Variants in ACBD5 observed in about 807,000 individuals in gnomAD.
ACBD5 encodes the protein acyl-CoA-binding domain-containing protein 5.
In ACBD5, 40 loss-of-function variants were observed where a neutral mutation model predicts 71.8. The ratio of observed to expected loss-of-function variants is 0.56; its 90% CI spans 0.43 to 0.72. The LOEUF (loss-of-function observed/expected upper bound fraction) is 0.72, where lower values mean the gene tolerates loss of function less well. Among genes scored for constraint, ACBD5 ranks in the 30% least tolerant of loss-of-function variants. The probability of loss-of-function intolerance (pLI) is 0.00; values close to 1 mark genes in which losing one functional copy is unlikely to be tolerated. For missense variants in ACBD5, 559 were observed against 644.5 expected, an observed-to-expected ratio of 0.87 and a Z score of 1.44; for synonymous variants, 229 against 218.6, an observed-to-expected ratio of 1.05 and a Z score of -0.42.
intron 13 of ACBD5, among the ~76,000 whole-genome samples, chr10:27,186,191 T>C (rs921099872): frequency 6.6e-6 from 1 of 152,232 alleles, no homozygotes; most frequent in Non-Finnish European, 1.5e-5. Context: ...CCAAGTGATA[T>C]TCAAAATGGC....
intron 6 of ACBD5, among the ~76,000 whole-genome samples, chr10:27,219,082 A>G (rs1358610700): frequency 6.6e-6 from 1 of 152,082 alleles, no homozygotes; most frequent in Non-Finnish European, 1.5e-5. Flanking sequence ...TGAGCAGATC[A>G]CTTGAGGTCA....
At chr10:27,242,102 C>T (rs1165249118), upstream of ACBD5, 1 of 449,952 alleles carries the variant, frequency 2.2e-6, no homozygotes, top group East Asian at 7.1e-5. Context: ...GTCCCCGACG[C>T]CCGCCCCTCG....
At chr10:27,230,796 CA>C (rs10625879) in intron 4 of ACBD5, among the ~76,000 whole-genome samples, 10,258 of 111,812 alleles carry the variant, frequency 0.092, 570 homozygotes, top group East Asian at 0.34. Flanking sequence ...GACTCCATCT[CA>C]AAAAAAAAAA....
chr10:27,215,479 A>G, intron 8 of ACBD5, 56 bp downstream of exon 8: 1 of 1,201,030 alleles, frequency 8.3e-7, no homozygotes, highest in Non-Finnish European at 1.2e-6. Flanking sequence ...GAAGTTACGC[A>G]TTGAATTCTA....
At chr10:27,212,807 C>G (rs938006806) in intron 8 of ACBD5, among the ~76,000 whole-genome samples, 2 of 152,080 alleles carry the variant, frequency 1.3e-5, no homozygotes, top group Non-Finnish European at 2.9e-5. Flanking sequence ...CCTCGGCCTC[C>G]CACAGTGTTG....
intron 3 of ACBD5, among the ~76,000 whole-genome samples, chr10:27,234,184 C>T (rs914899133): frequency 1.3e-5 from 2 of 152,170 alleles, no homozygotes; most frequent in South Asian, 4.1e-4. Context: ...ACTGGGAAAA[C>T]AGCACGGATG....
In ACBD5 at chr10:27,210,828, A is replaced by G. The variant is rs779003965; in HGVS notation, c.1190T>C (p.Val397Ala). 1 of 1,614,176 alleles carries G rather than the reference A, an allele frequency of 6.2e-7. No homozygotes were observed. The highest frequency in any genetic ancestry group is 8.5e-7 in the Non-Finnish European group (1 of 1,180,024). The change falls in exon 9 of 13, where the codon GTT becomes GCT. Residue 397 changes from valine to alanine, a missense_variant. Val to Ala is a moderately conservative substitution (Grantham distance 64). Coordinates refer to ENST00000396271, the MANE Select transcript of ACBD5 (RefSeq NM_145698.5). The stretch of plus-strand genomic sequence containing the variant: ...GTAATCCACACCTCTTCCTCTTCTA[A>G]CATTAGAGAATTCGTCAGTTTCTCC... ...RGGETDEFSNVRRGRGHRMQH... is the reference protein window; with the variant it reads ...RGGETDEFSNARRGRGHRMQH...
intron 2 of ACBD5, among the ~76,000 whole-genome samples, chr10:27,236,640 G>A (rs1182131100): frequency 6.6e-6 from 1 of 152,096 alleles, no homozygotes; most frequent in Non-Finnish European, 1.5e-5. Flanking sequence ...TGTAATCCTA[G>A]CACTTTGGGA....
chr10:27,241,963 T>C (rs973661394), upstream of ACBD5: 5 of 429,448 alleles, frequency 1.2e-5, no homozygotes, highest in Non-Finnish European at 2.4e-5. Flanking sequence ...GAGTCGTTTT[T>C]GTCAGTTAGG....
chr10:27,196,770 G>T lies in ACBD5; in HGVS notation c.*660C>A, dbSNP rs76683151. The T allele has an allele frequency of 1.1e-3, 489 of 454,184 alleles. 12 individuals carry two copies. In the East Asian group the frequency reaches 0.031, roughly 29 times the overall value. 28.1% of individuals were successfully genotyped at this position (454,184 alleles called of 1,614,324 possible). On this transcript the variant is annotated 3_prime_UTR_variant, in exon 13 of 13. Transcript: ENST00000396271. Reference sequence around the variant, plus strand: ...TCATTCTTCACCATTTCCATCAGTGGGTTATGTCTAGCCTGCAAATCATTT... The same window carrying T: ...TCATTCTTCACCATTTCCATCAGTGTGTTATGTCTAGCCTGCAAATCATTT...
intron 3 of ACBD5, among the ~76,000 whole-genome samples, chr10:27,234,171 T>A (rs1319899060): frequency 6.6e-6 from 1 of 152,242 alleles, no homozygotes; most frequent in East Asian, 1.9e-4. Flanking sequence ...CAACTGTTAG[T>A]CAACTGGGAA....
intron 4 of ACBD5, 72 bp from the exon 5 acceptor site, chr10:27,223,524 T>C: frequency 9.2e-7 from 1 of 1,082,508 alleles, no homozygotes; most frequent in Non-Finnish European, 1.4e-6. Context: ...TCAAATAATC[T>C]CCTATTTCCA....
chr10:27,219,145 T>C (rs573654774), intron 6 of ACBD5, among the ~76,000 whole-genome samples: 3 of 151,916 alleles, frequency 2.0e-5, no homozygotes, highest in South Asian at 2.1e-4. Flanking sequence ...CTACTAAAAA[T>C]ACAAAAATTA....
intron 6 of ACBD5, among the ~76,000 whole-genome samples, chr10:27,218,805 C>A (rs1271914746): frequency 6.6e-6 from 1 of 151,930 alleles, no homozygotes; most frequent in Non-Finnish European, 1.5e-5. Context: ...AGGCTGGTCT[C>A]GAACTCCCAA....
intron 13 of ACBD5, among the ~76,000 whole-genome samples, chr10:27,185,829 C>G (rs1010937520): frequency 1.3e-5 from 2 of 151,028 alleles, no homozygotes; most frequent in Non-Finnish European, 2.9e-5. Flanking sequence ...GTGACTCACA[C>G]CTGTAATCCC....
chr10:27,189,625 G>A, intron 13 of ACBD5, among the ~76,000 whole-genome samples: 1 of 107,990 alleles, frequency 9.3e-6, no homozygotes. Context: ...CCTGTTGTGG[G>A]GTGGGGGGGA....
Position 27,214,360 on chromosome 10 carries a change from T to C in ACBD5, c.936+1175A>G, listed in dbSNP as rs1407240946. ...ATATCTCATATACCCCATAAATATATATTTATTATATTTTTTATATTTTAC... is the reference window on the plus strand; with the variant it reads ...ATATCTCATATACCCCATAAATATACATTTATTATATTTTTTATATTTTAC... On this transcript the variant is annotated intron_variant, in intron 8 of 12. Transcript: ENST00000396271. Among the ~76,000 whole-genome samples the C allele has an allele frequency of 2.6e-5, 4 of 151,940 alleles. No homozygotes were observed. The East Asian group carries it at 5.8e-4, about 22-fold the overall frequency.
At chr10:27,202,734 G>A (rs1055065938) in intron 12 of ACBD5, among the ~76,000 whole-genome samples, 1 of 151,818 alleles carries the variant, frequency 6.6e-6, no homozygotes, top group Non-Finnish European at 1.5e-5. Context: ...ACATGAAAAG[G>A]AACTTTGAGA....
At chr10:27,198,807 C>T (rs1053014062) in intron 12 of ACBD5, among the ~76,000 whole-genome samples, 1 of 152,120 alleles carries the variant, frequency 6.6e-6, no homozygotes. Flanking sequence ...CAATCCTTTG[C>T]AGATTTATAG....
Sources: gnomAD v4.1 joint callset for allele counts (sites outside exome capture counted in the v4.1 genomes callset) on GRCh38, gnomAD v4.1.1 for gene constraint, MANE v1.5 for transcripts, NCBI Gene and HGNC (gene_info 2026-07-23, HGNC 2026-07-21) for gene names.